The following ICA1 variants were observed in gnomAD, a reference collection of about 807,000 sequenced individuals.
ICA1 encodes the protein islet cell autoantigen 1.
A neutral mutation model predicts 71.0 loss-of-function variants in ICA1; 40 were observed. The observed-to-expected ratio is 0.56, with a 90% CI of 0.44 to 0.73. The LOEUF is 0.73. Among genes scored for constraint, ICA1 ranks in the 30% least tolerant of loss-of-function variants. The probability of loss-of-function intolerance (pLI) is 0.00; values close to 1 mark genes in which losing one functional copy is unlikely to be tolerated. For synonymous variants in ICA1, 207 were observed against 209.5 expected, an observed-to-expected ratio of 0.99 and a Z score of 0.10; for missense variants, 578 against 576.5, an observed-to-expected ratio of 1.00 and a Z score of -0.03.
chr7:8,252,763 TTTAA>T (rs1262244663), intron 1 of ICA1, among the ~76,000 whole-genome samples: 1 of 151,458 alleles, frequency 6.6e-6, no homozygotes, highest in Non-Finnish European at 1.5e-5. Flanking sequence ...CTGCTTTATA[TTTAA>T]TTATATTTTT....
At chr7:8,208,148 T>G (rs1792282926) in intron 6 of ICA1, among the ~76,000 whole-genome samples, 1 of 152,230 alleles carries the variant, frequency 6.6e-6, no homozygotes, top group South Asian at 2.1e-4. Flanking sequence ...CTTTCTAAAA[T>G]ATTAATTTTC....
At chr7:8,143,777 A>C in intron 9 of ICA1, 98 bp downstream of exon 9, 1 of 737,334 alleles carries the variant, frequency 1.4e-6, no homozygotes, top group East Asian at 2.5e-5. Flanking sequence ...GAAGTAAGAC[A>C]AGTCTGCGTC....
intron 1 of ICA1, among the ~76,000 whole-genome samples, chr7:8,240,702 T>C (rs1803489361): frequency 6.6e-6 from 1 of 151,698 alleles, no homozygotes; most frequent in Non-Finnish European, 1.5e-5. Context: ...AAATAAACAG[T>C]GTAGAGAAGA....
intron 8 of ICA1, among the ~76,000 whole-genome samples, chr7:8,151,592 T>C (rs1798831196): frequency 6.6e-6 from 1 of 152,200 alleles, no homozygotes; most frequent in Admixed American, 6.5e-5. Context: ...TTGGGACTGG[T>C]AACTAAAATA....
intron 6 of ICA1, among the ~76,000 whole-genome samples, chr7:8,206,733 GAAAAAAAAAAA>G (rs60704635): frequency 1.5e-4 from 21 of 135,594 alleles, no homozygotes; most frequent in Admixed American, 2.2e-4. Context: ...GGTTTAAAAT[GAAAAAAAAAAA>G]AAAAAAAAAA....
intron 6 of ICA1, among the ~76,000 whole-genome samples, chr7:8,166,063 G>T (rs150620879): frequency 6.6e-6 from 1 of 152,068 alleles, no homozygotes; most frequent in Non-Finnish European, 1.5e-5. Flanking sequence ...AATAGCCAAC[G>T]TAGTCCTAAG....
chr7:8,189,244 T>C (rs1376221538), intron 6 of ICA1, among the ~76,000 whole-genome samples: 1 of 152,180 alleles, frequency 6.6e-6, no homozygotes, highest in East Asian at 1.9e-4. Flanking sequence ...CTGAGTAAAA[T>C]GCCTCTGAAT....
chr7:8,184,904 A>G (rs1346507198), intron 6 of ICA1, among the ~76,000 whole-genome samples: 1 of 152,086 alleles, frequency 6.6e-6, no homozygotes, highest in Non-Finnish European at 1.5e-5. Context: ...GTGAAACCCC[A>G]TCTTTATTAA....
chr7:8,249,607 C>T (rs1425726841), intron 1 of ICA1, among the ~76,000 whole-genome samples: 1 of 152,198 alleles, frequency 6.6e-6, no homozygotes, highest in East Asian at 1.9e-4. Flanking sequence ...ACATGTCTCT[C>T]AGATTTAGCT....
At chr7:8,246,675 G>C (rs1806143412) in intron 1 of ICA1, among the ~76,000 whole-genome samples, 1 of 152,236 alleles carries the variant, frequency 6.6e-6, no homozygotes, top group Non-Finnish European at 1.5e-5. Flanking sequence ...AGAATTGAGA[G>C]AACAGTGGGG....
At chr7:8,227,252 A>C (rs1798867763) in intron 4 of ICA1, among the ~76,000 whole-genome samples, 1 of 152,192 alleles carries the variant, frequency 6.6e-6, no homozygotes, top group Non-Finnish European at 1.5e-5. Flanking sequence ...CAGTGCAGAC[A>C]ATAGGCTAGA....
At chr7:8,161,883 A>T (rs535553409) in intron 6 of ICA1, among the ~76,000 whole-genome samples, 1 of 152,346 alleles carries the variant, frequency 6.6e-6, no homozygotes, top group South Asian at 2.1e-4. Context: ...ATGGTTGCTT[A>T]TTTCACAGCA....
intron 6 of ICA1, among the ~76,000 whole-genome samples, chr7:8,210,023 C>T (rs1361261433): frequency 6.6e-6 from 1 of 152,166 alleles, no homozygotes; most frequent in Non-Finnish European, 1.5e-5. Context: ...GAAGGCCACA[C>T]TAACTTTGGA....
At chr7:8,258,862 T>C (rs988149101) in intron 1 of ICA1, among the ~76,000 whole-genome samples, 4 of 152,220 alleles carry the variant, frequency 2.6e-5, no homozygotes, top group African/African-American at 7.2e-5. Flanking sequence ...TATGCATCTA[T>C]CCAGGGCAAA....
Position 8,218,374 on chromosome 7 carries a change from T to C in ICA1, c.510A>G (p.Leu170=), listed in dbSNP as rs574839504. 2 of 1,614,050 alleles carry C rather than the reference T, an allele frequency of 1.2e-6. No homozygotes were observed. The highest frequency in any genetic ancestry group is 1.7e-6 in the Non-Finnish European group (2 of 1,180,002). ...EQCRTEYRGA[L]LWMKDVSQEL... is the part of the protein sequence containing the mutation. ...CCTGAGACACGTCCTTCATCCATAA[T>C]AGTGCTCCTCTATATTCCGTCCTGC... is the stretch of plus-strand genomic sequence containing the variant. Residue 170 remains leucine, a synonymous_variant, in exon 6 of 14, where the codon CTA becomes CTG. Coordinates refer to ENST00000402384, the MANE Select transcript of ICA1 (RefSeq NM_001136020.3).
intron 6 of ICA1, among the ~76,000 whole-genome samples, chr7:8,208,021 G>T (rs1225071468): frequency 6.6e-6 from 1 of 151,864 alleles, no homozygotes; most frequent in African/African-American, 2.4e-5. Flanking sequence ...CTTTGTTGAG[G>T]GTTAACAAAA....
At chr7:8,235,854 T>C in intron 2 of ICA1, 56 bp downstream of exon 2, 1 of 1,548,928 alleles carries the variant, frequency 6.5e-7, no homozygotes, top group Non-Finnish European at 8.9e-7. Flanking sequence ...TGTTTATTGA[T>C]CATATGCTAT....
intron 6 of ICA1, among the ~76,000 whole-genome samples, chr7:8,194,786 A>C (rs1786862452): frequency 1.3e-5 from 2 of 152,196 alleles, no homozygotes; most frequent in Non-Finnish European, 2.9e-5. Context: ...TTTTTGACAC[A>C]CAGGGAAATG....
rs1486891407 is a variant in ICA1, at chr7:8,223,297, G to A, written c.257-1899C>T. Among the ~76,000 whole-genome samples, 7 of 152,130 alleles carry A rather than the reference G, an allele frequency of 4.6e-5. No individual in the cohort carries two copies. The highest frequency in any genetic ancestry group is 1.7e-4 in the African/African-American group (7 of 41,430). On this transcript the variant is annotated intron_variant, in intron 4 of 13. Coordinates refer to ENST00000402384, the MANE Select transcript of ICA1 (RefSeq NM_001136020.3). This position sits in a 1 kb window ranked among gnomAD's most constrained non-coding sequence, Gnocchi z 4.1. ...TACAAATGAATGCATTTAGCTTAAGGCTAGGAAGAAACCAATTTGTGGTAC... is the reference window on the plus strand; with the variant it reads ...TACAAATGAATGCATTTAGCTTAAGACTAGGAAGAAACCAATTTGTGGTAC...
Sources: gnomAD v4.1 joint callset for allele counts (sites outside exome capture counted in the v4.1 genomes callset) on GRCh38, gnomAD v4.1.1 for gene constraint, Gnocchi (gnomAD v3.1) non-coding constraint, MANE v1.5 for transcripts, NCBI Gene and HGNC (gene_info 2026-07-23, HGNC 2026-07-21) for gene names.